Variants in ADAMTSL1 observed in about 807,000 individuals in gnomAD.
ADAMTSL1 encodes ADAMTS like 1, also known as ADAMTS-like protein 1.
A neutral mutation model predicts 201.8 loss-of-function variants in ADAMTSL1; 126 were observed. That is an observed-to-expected ratio of 0.62 (90% CI 0.54 to 0.72). ADAMTSL1 has a LOEUF of 0.72. Ranked by LOEUF, ADAMTSL1 falls within the 30% of genes least tolerant of loss-of-function variation. The pLI is 0.00. For synonymous variants in ADAMTSL1, 1,121 were observed against 903.4 expected (o/e 1.24, Z -4.32); for missense variants, 2,679 against 2,277.8 (o/e 1.18, Z -3.59).
intron 1 of ADAMTSL1, among the ~76,000 whole-genome samples, chr9:17,966,246 G>T (rs1755280): frequency 0.59 from 90,005 of 151,990 alleles, 27,234 homozygotes; most frequent in East Asian, 0.92. Flanking sequence ...AAATAAGTAA[G>T]TATAGTAAGT....
At chr9:18,214,827 C>T (rs1587327685) in intron 2 of ADAMTSL1, among the ~76,000 whole-genome samples, 2 of 152,106 alleles carry the variant, frequency 1.3e-5, no homozygotes, top group East Asian at 1.9e-4. Flanking sequence ...CACACAAAAG[C>T]TTTCCAATAA....
At chr9:17,974,483 A>G (rs1818356421) in intron 1 of ADAMTSL1, among the ~76,000 whole-genome samples, 1 of 151,952 alleles carries the variant, frequency 6.6e-6, no homozygotes, top group South Asian at 2.1e-4. Flanking sequence ...CATCCTACGT[A>G]ACTGAAACTT....
intron 23 of ADAMTSL1, among the ~76,000 whole-genome samples, chr9:18,876,323 TGTGTGTGC>T (rs983584687): frequency 6.6e-5 from 10 of 151,506 alleles, no homozygotes; most frequent in African/African-American, 1.2e-4. Flanking sequence ...TGTGTGTGTG[TGTGTGTGC>T]GTGATTGTTT....
intron 1 of ADAMTSL1, among the ~76,000 whole-genome samples, chr9:17,957,760 T>C (rs1209041340): frequency 3.9e-5 from 6 of 152,026 alleles, no homozygotes; most frequent in African/African-American, 1.4e-4. Flanking sequence ...GGAGCAGACA[T>C]GAGATGCAGA....
chr9:18,819,455 C>CA (rs11330901), intron 21 of ADAMTSL1, among the ~76,000 whole-genome samples: 2,864 of 132,274 alleles, frequency 0.022, 89 homozygotes, highest in African/African-American at 0.075. Flanking sequence ...GACTCTGTCT[C>CA]AAAAAAAAAA....
chr9:18,104,281 T>C (rs1664551511), intron 1 of ADAMTSL1, among the ~76,000 whole-genome samples: 1 of 152,164 alleles, frequency 6.6e-6, no homozygotes, highest in African/African-American at 2.4e-5. Context: ...ATCCCGTTTT[T>C]CCCTCTCTAG....
chr9:17,986,883 G>C (rs1818950196), intron 1 of ADAMTSL1, among the ~76,000 whole-genome samples: 1 of 151,966 alleles, frequency 6.6e-6, no homozygotes, highest in Non-Finnish European at 1.5e-5. Flanking sequence ...AGATTATAAA[G>C]GTAAATAAAA....
At chr9:18,848,151 G>A (rs1001600021) in intron 23 of ADAMTSL1, among the ~76,000 whole-genome samples, 2 of 152,170 alleles carry the variant, frequency 1.3e-5, no homozygotes, top group Non-Finnish European at 2.9e-5. Context: ...CATGTGCCTG[G>A]CCATTTCCTT....
chr9:18,139,656 C>T (rs1826311374), intron 1 of ADAMTSL1, among the ~76,000 whole-genome samples: 1 of 152,212 alleles, frequency 6.6e-6, no homozygotes, highest in South Asian at 2.1e-4. Context: ...TACAAAATAA[C>T]CCATATAGCT....
intron 2 of ADAMTSL1, among the ~76,000 whole-genome samples, chr9:18,445,813 T>C (rs548884180): frequency 6.6e-6 from 1 of 152,268 alleles, no homozygotes; most frequent in East Asian, 1.9e-4. Flanking sequence ...ATCTTTGTCA[T>C]GTGAAAAAAG....
At chr9:18,453,265 T>C (rs1820481947) in intron 2 of ADAMTSL1, among the ~76,000 whole-genome samples, 1 of 152,154 alleles carries the variant, frequency 6.6e-6, no homozygotes, top group Admixed American at 6.5e-5. Context: ...AAGGTAGCTC[T>C]GGGTGACAAG....
At chr9:18,656,038 T>C (rs1356540414) in intron 7 of ADAMTSL1, among the ~76,000 whole-genome samples, 1 of 152,036 alleles carries the variant, frequency 6.6e-6, no homozygotes, top group East Asian at 1.9e-4. Context: ...ACGTAAATGC[T>C]CTACAGGTCA....
At chr9:17,941,539 A>C (rs1827237613) in intron 1 of ADAMTSL1, among the ~76,000 whole-genome samples, 1 of 152,118 alleles carries the variant, frequency 6.6e-6, no homozygotes, top group African/African-American at 2.4e-5. Flanking sequence ...CTCCTGTGTA[A>C]TACAGTCTCT....
chr9:18,630,350 C>A (rs760166409), intron 5 of ADAMTSL1, among the ~76,000 whole-genome samples: 2 of 152,164 alleles, frequency 1.3e-5, no homozygotes, highest in Non-Finnish European at 2.9e-5. Context: ...TTGTGTAGTT[C>A]TTTCCCCAGG....
chr9:17,918,201 G>A (rs931704159), intron 1 of ADAMTSL1, among the ~76,000 whole-genome samples: 4 of 151,222 alleles, frequency 2.6e-5, no homozygotes, highest in Non-Finnish European at 5.9e-5. Flanking sequence ...GTTTTATTTG[G>A]TCTTATTTTT....
chr9:18,575,127 G>A (rs983665262), intron 4 of ADAMTSL1, among the ~76,000 whole-genome samples: 4 of 152,106 alleles, frequency 2.6e-5, no homozygotes, highest in Non-Finnish European at 4.4e-5. Flanking sequence ...ATCACGGCTA[G>A]GAATGTAAGA....
chr9:18,404,657 C>T (rs1330704620), intron 2 of ADAMTSL1, among the ~76,000 whole-genome samples: 1 of 152,168 alleles, frequency 6.6e-6, no homozygotes, highest in Non-Finnish European at 1.5e-5. Context: ...TCCTCTCTCA[C>T]CACCTCCCCT....
At chr9:17,913,127 C>T (rs1282106929) in intron 1 of ADAMTSL1, among the ~76,000 whole-genome samples, 2 of 152,030 alleles carry the variant, frequency 1.3e-5, no homozygotes, top group Non-Finnish European at 2.9e-5. Context: ...AGTCAGGTAG[C>T]GTGATACCTC....
intron 16 of ADAMTSL1, among the ~76,000 whole-genome samples, chr9:18,769,805 C>A (rs943825508): frequency 6.6e-6 from 1 of 152,154 alleles, no homozygotes; most frequent in African/African-American, 2.4e-5. Flanking sequence ...CAAATATAGT[C>A]TTTATGCCGA....
Sources: gnomAD v4.1 joint callset for allele counts (sites outside exome capture counted in the v4.1 genomes callset) on GRCh38, gnomAD v4.1.1 for gene constraint, MANE v1.5 for transcripts, NCBI Gene and HGNC (gene_info 2026-07-23, HGNC 2026-07-21) for gene names.